Variants in LPCAT2 observed in about 807,000 individuals in gnomAD.
LPCAT2 encodes lysophosphatidylcholine acyltransferase 2.
In LPCAT2, 58 loss-of-function variants were observed where a neutral mutation model predicts 64.7. The ratio of observed to expected loss-of-function variants is 0.90; its 90% CI spans 0.73 to 1.12. The LOEUF (loss-of-function observed/expected upper bound fraction) is 1.12. Among genes scored for constraint, LPCAT2 ranks in the 50% most tolerant of loss-of-function variants. LPCAT2 has a pLI of 0.00. For missense variants in LPCAT2, 579 were observed against 669.8 expected (o/e 0.86, Z 1.50); for synonymous variants, 252 against 245.3 (o/e 1.03, Z -0.26).
At chr16:55,547,208 G>T (rs1010152335) in intron 9 of LPCAT2, among the ~76,000 whole-genome samples, 5 of 152,012 alleles carry the variant, frequency 3.3e-5, no homozygotes, top group African/African-American at 9.7e-5. Context: ...CCCAAATTGT[G>T]CTTAGAAACA....
rs1238690678 is a variant in LPCAT2, at chr16:55,583,679, T to TTTTTG, written c.*596_*600dup. The TTTTTG allele has an allele frequency of 1.3e-5, 2 of 153,136 alleles. No homozygotes were observed. Among genetic ancestry groups the TTTTTG allele is most frequent in the Admixed American group, 6.6e-5 (1 of 15,256 alleles). The allele number at this position is 153,136 out of a possible 1,614,324, so 9.5% of individuals were successfully genotyped here. On this transcript the variant is annotated 3_prime_UTR_variant, in exon 14 of 14. Transcript: ENST00000262134. The stretch of plus-strand genomic sequence containing the variant: ...CTTTGACATACATCTCTATTGTAGT[T>TTTTTG]TTTTGTTTTGTTTTGTTTTTTGAGA...
chr16:55,510,034 TG>T (rs2142384224), intron 1 of LPCAT2, among the ~76,000 whole-genome samples: 1 of 131,960 alleles, frequency 7.6e-6, no homozygotes, highest in African/African-American at 2.8e-5. Context: ...GGAGTCAGTA[TG>T]GGATGGATAA....
At chr16:55,560,105 CAAGAGCACAAGGAAG>C (rs1375218896) in intron 11 of LPCAT2, among the ~76,000 whole-genome samples, 2 of 152,034 alleles carry the variant, frequency 1.3e-5, no homozygotes, top group African/African-American at 4.8e-5. Flanking sequence ...TGGCCTCCTC[CAAGAGCACAAGGAAG>C]TAAAGAACAA....
At chr16:55,528,687 A>G in intron 3 of LPCAT2, 93 bp downstream of exon 3, 1 of 931,410 alleles carries the variant, frequency 1.1e-6, no homozygotes, top group Middle Eastern at 2.4e-4. Flanking sequence ...ACCTTTTTAA[A>G]AAGTTTAAAA....
intron 1 of LPCAT2, among the ~76,000 whole-genome samples, chr16:55,510,837 T>A (rs921639523): frequency 1.3e-5 from 2 of 152,228 alleles, no homozygotes; most frequent in African/African-American, 4.8e-5. Flanking sequence ...AAATCATACT[T>A]AAATGAAAAT....
At chr16:55,566,533 T>C (rs1178305321) in intron 11 of LPCAT2, 4 of 512,294 alleles carry the variant, frequency 7.8e-6, no homozygotes, top group Non-Finnish European at 1.4e-5. Context: ...TCTGGAAGAG[T>C]GAAAACAATT....
chr16:55,510,037 G>T (rs1962908092), intron 1 of LPCAT2, among the ~76,000 whole-genome samples: 1 of 141,220 alleles, frequency 7.1e-6, no homozygotes, highest in East Asian at 2.1e-4. Flanking sequence ...GTCAGTATGG[G>T]ATGGATAAGA....
chr16:55,565,465 T>C (rs1444198061), intron 11 of LPCAT2, among the ~76,000 whole-genome samples: 1 of 151,980 alleles, frequency 6.6e-6, no homozygotes, highest in African/African-American at 2.4e-5. Context: ...TATTCACCAA[T>C]GGGATAATGG....
At chr16:55,535,842 T>G (rs781314827) in intron 7 of LPCAT2, among the ~76,000 whole-genome samples, 9 of 152,076 alleles carry the variant, frequency 5.9e-5, no homozygotes, top group Non-Finnish European at 1.2e-4. Flanking sequence ...TCCAGGTTAA[T>G]GTGATGATCA....
At position 55,585,106 on chromosome 16, in the gene LPCAT2, C is replaced by T. The variant is rs139107660; in HGVS notation, c.*2008C>T. ...AAATATTTTATGCTCTTTATTTCCA[C>T]TTCTGTGAATGTGATATTTCTATTT... On this transcript the variant is annotated 3_prime_UTR_variant, in exon 14 of 14. Coordinates refer to ENST00000262134, the MANE Select transcript of LPCAT2 (RefSeq NM_017839.5). The T allele has an allele frequency of 6.6e-6, 1 of 152,116 alleles. No individual in the cohort carries two copies. Among genetic ancestry groups the T allele is most frequent in the Admixed American group, 6.5e-5 (1 of 15,270 alleles). 9.4% of individuals were successfully genotyped at this position (152,116 alleles called of 1,614,324 possible). A position where few individuals can be genotyped will look rare whatever the true frequency, so the allele number is the denominator to read the frequency against.
intron 11 of LPCAT2, among the ~76,000 whole-genome samples, chr16:55,565,846 AT>A (rs1191713281): frequency 6.6e-6 from 1 of 152,154 alleles, no homozygotes; most frequent in Non-Finnish European, 1.5e-5. Context: ...TTAAAATAGT[AT>A]ATTTTATGGC....
chr16:55,575,955 C>T (rs919098590), intron 12 of LPCAT2, among the ~76,000 whole-genome samples: 2 of 152,188 alleles, frequency 1.3e-5, no homozygotes, highest in African/African-American at 4.8e-5. Flanking sequence ...ACATAGCTAA[C>T]TTATTCTTCT....
intron 12 of LPCAT2, among the ~76,000 whole-genome samples, chr16:55,578,000 T>G (rs1025790292): frequency 6.6e-6 from 1 of 152,200 alleles, no homozygotes; most frequent in East Asian, 1.9e-4. Context: ...GGCCTTCCTA[T>G]GGCATTTTGC....
At chr16:55,529,270 T>C (rs2142379654) in intron 3 of LPCAT2, among the ~76,000 whole-genome samples, 1 of 152,264 alleles carries the variant, frequency 6.6e-6, no homozygotes, top group East Asian at 1.9e-4. Flanking sequence ...GGAGAAGTAA[T>C]AGTAGTTCTT....
In LPCAT2 at chr16:55,586,006, A is replaced by G. The variant is rs1963941356; in HGVS notation, c.*2908A>G. 2 of 152,216 alleles carry G rather than the reference A, an allele frequency of 1.3e-5. No individual in the cohort carries two copies. The highest frequency in any genetic ancestry group is 1.5e-5 in the Non-Finnish European group (1 of 68,028). 9.4% of individuals were successfully genotyped at this position (152,216 alleles called of 1,614,324 possible). A position where few individuals can be genotyped will look rare whatever the true frequency, so the allele number is the denominator to read the frequency against. On this transcript the variant is annotated 3_prime_UTR_variant, in exon 14 of 14. Transcript: ENST00000262134. ...TGTTTCTTACATAGAAAATGCTAAC[A>G]TGAATAGAAAGATACTGGTGCAAGA...
chr16:55,540,032 T>C (rs1304695300), intron 8 of LPCAT2: 1 of 152,150 alleles, frequency 6.6e-6, no homozygotes, highest in Admixed American at 6.6e-5. Context: ...TCCTTTAGTT[T>C]CACAAGTCTC....
At chr16:55,515,300 C>T (rs1160760729) in intron 1 of LPCAT2, among the ~76,000 whole-genome samples, 1 of 152,104 alleles carries the variant, frequency 6.6e-6, no homozygotes, top group Non-Finnish European at 1.5e-5. Flanking sequence ...GATTGCTCAT[C>T]AAGAGCCACA....
At chr16:55,514,204 C>G (rs1962974485) in intron 1 of LPCAT2, among the ~76,000 whole-genome samples, 1 of 152,084 alleles carries the variant, frequency 6.6e-6, no homozygotes, top group Non-Finnish European at 1.5e-5. Context: ...TCCTAGGAAT[C>G]TAGAAGGCTG....
intron 4 of LPCAT2, among the ~76,000 whole-genome samples, chr16:55,531,682 AG>A (rs1963254928): frequency 6.6e-6 from 1 of 152,230 alleles, no homozygotes; most frequent in African/African-American, 2.4e-5. Context: ...ACATTTGTTA[AG>A]TATATTCTTT....
Sources: allele counts gnomAD v4.1 joint callset (sites outside exome capture counted in the v4.1 genomes callset), GRCh38; gene constraint gnomAD v4.1.1; transcripts MANE v1.5; gene names NCBI Gene and HGNC (gene_info 2026-07-23, HGNC 2026-07-21).